Variants in KIF26B observed in about 807,000 individuals in gnomAD.
KIF26B encodes kinesin family member 26B.
Under a neutral mutation model 151.2 loss-of-function variants are expected in KIF26B, and 63 were observed. That is an observed-to-expected ratio of 0.42 (90% CI 0.34 to 0.51). KIF26B has a LOEUF of 0.51. Among genes scored for constraint, KIF26B ranks in the 20% least tolerant of loss-of-function variants. KIF26B has a pLI of 0.07. For synonymous variants in KIF26B, 1,357 were observed against 1,262.1 expected, an observed-to-expected ratio of 1.08 and a Z score of -1.59; for missense variants, 2,813 against 2,913.6, an observed-to-expected ratio of 0.97 and a Z score of 0.79.
At chr1:245,190,325 T>G (rs1303301899) in intron 2 of KIF26B, among the ~76,000 whole-genome samples, 1 of 152,182 alleles carries the variant, frequency 6.6e-6, no homozygotes, top group Non-Finnish European at 1.5e-5. Flanking sequence ...TGTCAGGACT[T>G]CTTCCTTCTT....
At chr1:245,161,919 T>C (rs1444209206) in intron 2 of KIF26B, among the ~76,000 whole-genome samples, 1 of 151,926 alleles carries the variant, frequency 6.6e-6, no homozygotes, top group African/African-American at 2.4e-5. Context: ...TGGGGGAAAG[T>C]ATGTGAGACT....
intron 2 of KIF26B, among the ~76,000 whole-genome samples, chr1:245,274,548 A>G (rs371217976): frequency 6.6e-6 from 1 of 151,642 alleles, no homozygotes; most frequent in Non-Finnish European, 1.5e-5. Context: ...TGCAAAGGAC[A>G]TGACATGAAT....
intron 10 of KIF26B, among the ~76,000 whole-genome samples, chr1:245,665,771 G>A (rs547030651): frequency 2.6e-5 from 4 of 151,638 alleles, no homozygotes; most frequent in Non-Finnish European, 2.9e-5. Context: ...TGCAACCTCC[G>A]CTTCCCGAGT....
chr1:245,634,654 G>A (rs1174086824), intron 9 of KIF26B, among the ~76,000 whole-genome samples: 1 of 151,966 alleles, frequency 6.6e-6, no homozygotes, highest in Non-Finnish European at 1.5e-5. Context: ...AATCAACCTT[G>A]CATTCCTGAA....
At chr1:245,557,093 T>C (rs955131962) in intron 5 of KIF26B, among the ~76,000 whole-genome samples, 1 of 152,212 alleles carries the variant, frequency 6.6e-6, no homozygotes, top group Admixed American at 6.5e-5. Flanking sequence ...TCCGAGTGCC[T>C]CCACAAAAGT....
At chr1:245,382,251 T>C (rs192000039) in intron 3 of KIF26B, among the ~76,000 whole-genome samples, 1 of 152,232 alleles carries the variant, frequency 6.6e-6, no homozygotes, top group African/African-American at 2.4e-5. Context: ...ACAGTAGCCA[T>C]CCTAATGGGT....
intron 2 of KIF26B, among the ~76,000 whole-genome samples, chr1:245,251,438 C>A (rs1056452893): frequency 6.6e-6 from 1 of 152,160 alleles, no homozygotes; most frequent in Non-Finnish European, 1.5e-5. Context: ...GCTCATCCAG[C>A]AGTAATATCT....
chr1:245,422,290 AC>A (rs1658509049), intron 4 of KIF26B, among the ~76,000 whole-genome samples: 1 of 151,604 alleles, frequency 6.6e-6, no homozygotes, highest in Non-Finnish European at 1.5e-5. Context: ...TTTCCCCCCC[AC>A]CCTTTACTCA....
chr1:245,234,886 CCCATTAGCCAATCCGTTGGACA>C (rs1670075361), intron 2 of KIF26B, among the ~76,000 whole-genome samples: 1 of 152,172 alleles, frequency 6.6e-6, no homozygotes, highest in South Asian at 2.1e-4. Flanking sequence ...CAGCAGTGGG[CCCATTAGCCAATCCGTTGGACA>C]CCCGGTGGCA....
At chr1:245,468,308 AG>A (rs1181789568) in intron 4 of KIF26B, among the ~76,000 whole-genome samples, 2 of 152,162 alleles carry the variant, frequency 1.3e-5, no homozygotes, top group East Asian at 1.9e-4. Context: ...AACCAGACAG[AG>A]GGGGGTCATT....
chr1:245,648,645 AT>A (rs1210403513), intron 10 of KIF26B, among the ~76,000 whole-genome samples: 135 of 151,996 alleles, frequency 8.9e-4, no homozygotes, highest in Middle Eastern at 6.8e-3. Context: ...AAAAAAAAAA[AT>A]AAATGAAAGT....
At chr1:245,494,096 G>A (rs905934670) in intron 4 of KIF26B, among the ~76,000 whole-genome samples, 13 of 152,128 alleles carry the variant, frequency 8.5e-5, no homozygotes, top group Non-Finnish European at 1.8e-4. Flanking sequence ...CTGAGGTCAG[G>A]AGTTTGAGAC....
chr1:245,174,725 C>G (rs757104058), intron 2 of KIF26B, among the ~76,000 whole-genome samples: 6 of 152,162 alleles, frequency 3.9e-5, no homozygotes, highest in Non-Finnish European at 4.4e-5. Context: ...GTTCTAGGCT[C>G]TGGACGCTTG....
chr1:245,313,471 G>GC (rs1349006952), intron 2 of KIF26B, among the ~76,000 whole-genome samples: 1 of 152,232 alleles, frequency 6.6e-6, no homozygotes, highest in Non-Finnish European at 1.5e-5. Flanking sequence ...CTCTAATTGT[G>GC]CAGCCCTGCC....
chr1:245,247,193 G>A (rs1192442515), intron 2 of KIF26B, among the ~76,000 whole-genome samples: 3 of 151,706 alleles, frequency 2.0e-5, no homozygotes, highest in African/African-American at 7.3e-5. Flanking sequence ...GCTCGTGCCT[G>A]TAATCCCAGC....
chr1:245,686,857 G>A lies in KIF26B; in HGVS notation c.3874G>A (p.Glu1292Lys), dbSNP rs779432522. ...LSEMSAGSEG[E>K]QSCHSFIAQT... ...CGAGATGAGCGCGGGCAGTGAGGGT[G>A]AGCAGTCGTGCCACAGTTTCATAGC... Residue 1292 changes from glutamate (E) to lysine (K), a missense_variant, in exon 12 of 15, where the codon GAG becomes AAG. By Grantham distance (56) the Glu-to-Lys change is moderately conservative. This residue lies in a region of KIF26B where 2,060 missense variants were observed against 2,088.6 expected (regional missense o/e 0.99). Transcript: ENST00000407071. This position sits in a 1 kb window ranked among gnomAD's most constrained non-coding sequence, Gnocchi z 5.6. 5 of 1,613,654 alleles carry A rather than the reference G, an allele frequency of 3.1e-6. No homozygotes were observed. In the South Asian group the frequency reaches 5.5e-5, roughly 18 times the overall value.
chr1:245,300,694 A>C (rs573273169), intron 2 of KIF26B, among the ~76,000 whole-genome samples: 2 of 150,832 alleles, frequency 1.3e-5, no homozygotes, highest in Non-Finnish European at 2.9e-5. Flanking sequence ...ACACCTGGCT[A>C]ATTTTTGTGT....
intron 3 of KIF26B, among the ~76,000 whole-genome samples, chr1:245,408,062 G>A (rs1316489764): frequency 3.9e-5 from 6 of 152,156 alleles, no homozygotes; most frequent in African/African-American, 7.2e-5. Context: ...TAGAAGAGCC[G>A]CCCCCAGGTG....
intron 4 of KIF26B, among the ~76,000 whole-genome samples, chr1:245,423,713 C>G (rs555246892): frequency 6.6e-6 from 1 of 152,198 alleles, no homozygotes; most frequent in African/African-American, 2.4e-5. Context: ...AAAAATATGT[C>G]TATCCTGGGT....
Sources: gnomAD v4.1 joint callset for allele counts (sites outside exome capture counted in the v4.1 genomes callset) on GRCh38, gnomAD v4.1.1 for gene constraint, gnomAD v4.1.1 regional missense constraint, Gnocchi (gnomAD v3.1) non-coding constraint, MANE v1.5 for transcripts, NCBI Gene and HGNC (gene_info 2026-07-23, HGNC 2026-07-21) for gene names.